ANAPC10: variants seen among roughly 807,000 people sequenced by gnomAD.
ANAPC10 encodes anaphase promoting complex subunit 10, also known as anaphase-promoting complex subunit 10.
ANAPC10 carries 12 observed loss-of-function variants against 22.0 expected under a neutral mutation model. That is an observed-to-expected ratio of 0.55 (90% CI 0.35 to 0.88). ANAPC10 has a LOEUF of 0.88. Ranked by LOEUF, ANAPC10 falls within the 40% of genes least tolerant of loss-of-function variation. The pLI, the probability that ANAPC10 is intolerant of heterozygous loss-of-function variation, is 0.01. For synonymous variants in ANAPC10, 65 were observed against 69.5 expected (o/e 0.94, Z 0.32); for missense variants, 188 against 220.9 (o/e 0.85, Z 0.94).
At chr4:145,062,976 A>G (rs923146000) in intron 4 of ANAPC10, among the ~76,000 whole-genome samples, 1 of 152,206 alleles carries the variant, frequency 6.6e-6, no homozygotes, top group African/African-American at 2.4e-5. Flanking sequence ...TGAACTCAGA[A>G]GCAGAAGGAG....
chr4:145,016,372 T>C (rs551551874), intron 4 of ANAPC10, among the ~76,000 whole-genome samples: 116 of 152,288 alleles, frequency 7.6e-4, no homozygotes, highest in African/African-American at 2.7e-3. Flanking sequence ...CATTCACAAT[T>C]GCCTCAAAGA....
intron 4 of ANAPC10, among the ~76,000 whole-genome samples, chr4:145,040,262 G>T (rs868607053): frequency 1.3e-5 from 2 of 151,964 alleles, no homozygotes; most frequent in Admixed American, 6.6e-5. Context: ...CGATTCTCCT[G>T]CCTCAGCCTC....
At chr4:145,079,273 T>C (rs1000314990) in intron 3 of ANAPC10, among the ~76,000 whole-genome samples, 4 of 152,168 alleles carry the variant, frequency 2.6e-5, no homozygotes, top group Admixed American at 6.5e-5. Flanking sequence ...TATGAAAAGA[T>C]GGTCAACCTC....
At chr4:145,097,667 T>C (rs1455135) in intron 1 of ANAPC10, 546,644 of 549,048 alleles carry the variant, frequency 1, 272,168 homozygotes, top group East Asian at 1. Context: ...TAGGTTCAGT[T>C]ATGAACTAGT....
chr4:144,999,913 T>A (rs1461339120), intron 4 of ANAPC10, among the ~76,000 whole-genome samples: 3 of 152,122 alleles, frequency 2.0e-5, no homozygotes, highest in Non-Finnish European at 4.4e-5. Flanking sequence ...TCTACAACCA[T>A]CTCATCTTTG....
chr4:145,016,067 G>A (rs904751883), intron 4 of ANAPC10, among the ~76,000 whole-genome samples: 7 of 152,148 alleles, frequency 4.6e-5, no homozygotes, highest in African/African-American at 1.7e-4. Flanking sequence ...CACGAGACAG[G>A]GATGCCCTCT....
At chr4:145,042,949 C>T (rs944096288) in intron 4 of ANAPC10, among the ~76,000 whole-genome samples, 3 of 151,518 alleles carry the variant, frequency 2.0e-5, no homozygotes, top group Non-Finnish European at 4.4e-5. Flanking sequence ...GTTTTTAATT[C>T]TTCTTTTCAA....
At chr4:145,047,921 A>G (rs1329011081) in intron 4 of ANAPC10, among the ~76,000 whole-genome samples, 1 of 152,108 alleles carries the variant, frequency 6.6e-6, no homozygotes, top group Non-Finnish European at 1.5e-5. Context: ...TTTATTCCCT[A>G]AAGTACCTTG....
intron 3 of ANAPC10, among the ~76,000 whole-genome samples, chr4:145,078,244 C>T (rs971498762): frequency 2.0e-5 from 3 of 151,524 alleles, no homozygotes; most frequent in African/African-American, 7.3e-5. Flanking sequence ...AAGCTAAGTG[C>T]CAAATCAAGA....
chr4:144,998,257 C>A (rs1023463533), intron 4 of ANAPC10, among the ~76,000 whole-genome samples: 1 of 152,164 alleles, frequency 6.6e-6, no homozygotes, highest in Non-Finnish European at 1.5e-5. Context: ...GAACTTTCCA[C>A]CCCAAATCAA....
intron 4 of ANAPC10, among the ~76,000 whole-genome samples, chr4:145,044,030 TTC>T (rs1308161798): frequency 3.3e-5 from 5 of 152,074 alleles, no homozygotes; most frequent in African/African-American, 4.8e-5. Flanking sequence ...TAAATGTTCT[TTC>T]TCTCTTTCTA....
intron 4 of ANAPC10, among the ~76,000 whole-genome samples, chr4:145,015,861 C>A (rs1735039145): frequency 6.6e-6 from 1 of 152,116 alleles, no homozygotes; most frequent in Non-Finnish European, 1.5e-5. Flanking sequence ...AGGAAAGATA[C>A]AGTGTTTTCC....
rs1369117089 is a variant in ANAPC10 at position 145,014,431 on chromosome 4, A to G, written c.328-18828T>C. 2.0e-5 allele frequency among the ~76,000 whole-genome samples: 3 copies of G among 152,052 alleles called. No homozygotes were observed. The East Asian group carries it at 5.8e-4, about 30-fold the overall frequency. On this transcript the variant is annotated intron_variant, in intron 4 of 4. Coordinates refer to ENST00000507656, the MANE Select transcript of ANAPC10 (RefSeq NM_001256706.2). Reference sequence around the variant, plus strand: ...CCCTATCCCCCACAGCAGCTGCACCAAGGCCCACCCAAGGAAAGTCTGAGC... The same window carrying G: ...CCCTATCCCCCACAGCAGCTGCACCGAGGCCCACCCAAGGAAAGTCTGAGC...
At chr4:145,068,951 G>C (rs1303502328) in intron 3 of ANAPC10, among the ~76,000 whole-genome samples, 1 of 152,158 alleles carries the variant, frequency 6.6e-6, no homozygotes, top group Non-Finnish European at 1.5e-5. Flanking sequence ...ATGTTAACTA[G>C]ATGCTAAGAT....
intron 4 of ANAPC10, among the ~76,000 whole-genome samples, chr4:145,063,561 A>C (rs956193220): frequency 1.3e-5 from 2 of 152,162 alleles, no homozygotes; most frequent in African/African-American, 4.8e-5. Context: ...AAAGATCACA[A>C]GTGCTTCCCA....
chr4:145,022,696 G>T (rs1319845482), intron 4 of ANAPC10, among the ~76,000 whole-genome samples: 1 of 149,950 alleles, frequency 6.7e-6, no homozygotes, highest in Non-Finnish European at 1.5e-5. Context: ...TTCATATATA[G>T]AACTTTCTGT....
At chr4:145,095,598 A>G (rs1235028225) in intron 2 of ANAPC10, among the ~76,000 whole-genome samples, 1 of 152,142 alleles carries the variant, frequency 6.6e-6, no homozygotes. Context: ...CAACACCTAC[A>G]TTCTTCACCT....
intron 2 of ANAPC10, among the ~76,000 whole-genome samples, chr4:145,092,954 C>G (rs1324341262): frequency 6.6e-6 from 1 of 152,220 alleles, no homozygotes; most frequent in Non-Finnish European, 1.5e-5. Flanking sequence ...CCACAAAAGA[C>G]CAGCCACAGA....
chr4:145,094,799 G>GAA (rs796841890), intron 2 of ANAPC10, among the ~76,000 whole-genome samples: 1 of 137,500 alleles, frequency 7.3e-6, no homozygotes, highest in African/African-American at 2.7e-5. Flanking sequence ...AGTTACTTAG[G>GAA]AAAAAAAAAA....
Sources: gnomAD v4.1 joint callset for allele counts (sites outside exome capture counted in the v4.1 genomes callset) on GRCh38, gnomAD v4.1.1 for gene constraint, MANE v1.5 for transcripts, NCBI Gene and HGNC (gene_info 2026-07-23, HGNC 2026-07-21) for gene names.